The following PHF20 variants were observed in gnomAD, a reference collection of about 807,000 sequenced individuals.
PHF20 encodes the protein PHD finger protein 20.
Under a neutral mutation model 113.5 loss-of-function variants are expected in PHF20, and 23 were observed. The observed-to-expected ratio is 0.20, with a 90% CI of 0.15 to 0.29. The LOEUF (loss-of-function observed/expected upper bound fraction) is 0.29, where lower values mean the gene tolerates loss of function less well. Ranked by LOEUF, PHF20 falls within the 10% of genes least tolerant of loss-of-function variation. PHF20 has a pLI of 1.00. For synonymous variants in PHF20, 434 were observed against 457.3 expected (o/e 0.95, Z 0.65); for missense variants, 943 against 1,219.6 (o/e 0.77, Z 3.38).
In PHF20 at chr20:35,812,472, A is replaced by T. The variant is rs900280787; in HGVS notation, c.83+10867A>T. Among the ~76,000 whole-genome samples the T allele has an allele frequency of 2.0e-5, 3 of 152,212 alleles. No individual in the cohort carries two copies. The South Asian group carries it at 6.2e-4, about 31-fold the overall frequency. On this transcript the variant is annotated intron_variant, in intron 2 of 17. Coordinates refer to ENST00000374012, the MANE Select transcript of PHF20 (RefSeq NM_016436.5). ...CAACATTATTTGTTTAATTTTTAAG[A>T]GTTCCGAACAGTTGTTTTTTAGAAT...
chr20:35,802,534 T>C (rs2041799395), intron 2 of PHF20, among the ~76,000 whole-genome samples: 1 of 152,050 alleles, frequency 6.6e-6, no homozygotes, highest in Non-Finnish European at 1.5e-5. Context: ...TTTAACCCTT[T>C]TTGAGATTCT....
chr20:35,777,866 AATG>A (rs1426403648), intron 1 of PHF20, among the ~76,000 whole-genome samples: 2 of 152,186 alleles, frequency 1.3e-5, no homozygotes, highest in African/African-American at 4.8e-5. Flanking sequence ...TGTTAAGGAT[AATG>A]ATAAGAAATC....
intron 1 of PHF20, among the ~76,000 whole-genome samples, chr20:35,786,708 A>C (rs2041425030): frequency 6.6e-6 from 1 of 152,054 alleles, no homozygotes; most frequent in Non-Finnish European, 1.5e-5. Context: ...CTCAAAACTC[A>C]CTCCAGAGCT....
chr20:35,896,115 A>G (rs1049757881), intron 9 of PHF20, among the ~76,000 whole-genome samples: 57 of 141,900 alleles, frequency 4.0e-4, no homozygotes, highest in African/African-American at 1.4e-3. Context: ...GTGTGTGTGT[A>G]TAGGTTTTTG....
intron 1 of PHF20, chr20:35,799,961 G>A (rs2041747670): frequency 1.3e-5 from 2 of 152,130 alleles, no homozygotes; most frequent in South Asian, 2.1e-4. Context: ...CACCGCACCC[G>A]GCCGGAAGTG....
chr20:35,799,276 T>C (rs1352222041), intron 1 of PHF20, among the ~76,000 whole-genome samples: 1 of 104,996 alleles, frequency 9.5e-6, no homozygotes, highest in Non-Finnish European at 1.7e-5. Context: ...CCTAGGAACA[T>C]AGATACTCTC....
Position 35,917,665 on chromosome 20 carries a change from A to G in PHF20, c.2004+3A>G, listed in dbSNP as rs1163062223. The G allele has an allele frequency of 1.2e-6, 2 of 1,611,698 alleles. No homozygotes were observed. The highest frequency in any genetic ancestry group is 1.3e-5 in the African/African-American group (1 of 74,842). On this transcript the variant is annotated splice_donor_region_variant and intron_variant, in intron 13 of 17. Coordinates refer to ENST00000374012, the MANE Select transcript of PHF20 (RefSeq NM_016436.5). ...AGGAAAATGACTTCATGATTCAGGT[A>G]GGCAGAGCTTCCAGGAAACAGGTCT... is the stretch of plus-strand genomic sequence containing the variant.
chr20:35,794,333 C>T (rs1199774830), intron 1 of PHF20, among the ~76,000 whole-genome samples: 1 of 151,810 alleles, frequency 6.6e-6, no homozygotes, highest in African/African-American at 2.4e-5. Flanking sequence ...AGAAATGACC[C>T]TTATGTATGT....
chr20:35,868,022 G>A (rs951129701), intron 6 of PHF20, among the ~76,000 whole-genome samples: 2 of 152,024 alleles, frequency 1.3e-5, no homozygotes, highest in African/African-American at 2.4e-5. Context: ...GGCTGGGCAT[G>A]GTGGCTCACG....
chr20:35,792,047 T>G (rs2146849236), intron 1 of PHF20, among the ~76,000 whole-genome samples: 1 of 152,324 alleles, frequency 6.6e-6, no homozygotes. Flanking sequence ...CGACTCATTC[T>G]CAGTAGTTTG....
chr20:35,877,262 C>A (rs1156525748), intron 9 of PHF20, among the ~76,000 whole-genome samples: 1 of 130,056 alleles, frequency 7.7e-6, no homozygotes, highest in Non-Finnish European at 1.6e-5. Context: ...TGCTCTCCAG[C>A]CTGAGAGACT....
intron 2 of PHF20, among the ~76,000 whole-genome samples, chr20:35,806,616 G>A (rs2041885631): frequency 6.6e-6 from 1 of 152,018 alleles, no homozygotes; most frequent in African/African-American, 2.4e-5. Context: ...CCACTTGTAT[G>A]TACTAAGCCT....
At chr20:35,896,099 G>GTA (rs1171717862) in intron 9 of PHF20, among the ~76,000 whole-genome samples, 1 of 151,902 alleles carries the variant, frequency 6.6e-6, no homozygotes, top group Admixed American at 6.6e-5. Context: ...GTGTGTGTGT[G>GTA]TGTGTGTGTG....
chr20:35,842,600 C>T lies in PHF20; in HGVS notation c.111C>T (p.Asp37=). Reference sequence around the variant, plus strand: ...ATCCAGCTCACATAGAAGACATTGACTACGAGGAAGGAAAAGTACTCATCC... The same window carrying T: ...ATCCAGCTCACATAGAAGACATTGATTACGAGGAAGGAAAAGTACTCATCC... The part of the protein sequence containing the change: ...NWYPAHIEDI[D]YEEGKVLIHF... The change falls in exon 3 of 18, where the codon GAC becomes GAT. Residue 37 remains aspartate (D), a synonymous_variant. Coordinates refer to ENST00000374012, the MANE Select transcript of PHF20 (RefSeq NM_016436.5). 1 of 1,613,520 alleles carries T rather than the reference C, an allele frequency of 6.2e-7. No individual in the cohort carries two copies.
chr20:35,848,880 T>G (rs73902919), intron 4 of PHF20, among the ~76,000 whole-genome samples: 1,589 of 150,272 alleles, frequency 0.011, 18 homozygotes, highest in East Asian at 0.04. Flanking sequence ...AAAAAAGTCT[T>G]TTCAGTTGTG....
intron 10 of PHF20, among the ~76,000 whole-genome samples, chr20:35,906,695 A>G (rs2055206364): frequency 6.6e-6 from 1 of 152,204 alleles, no homozygotes; most frequent in Non-Finnish European, 1.5e-5. Flanking sequence ...CTTTTAAGGC[A>G]CAACCCAGAA....
chr20:35,784,972 G>A (rs767342398), intron 1 of PHF20, among the ~76,000 whole-genome samples: 20 of 151,818 alleles, frequency 1.3e-4, no homozygotes, highest in Non-Finnish European at 2.6e-4. Context: ...GATGGTTTGA[G>A]CCTGGGAGGC....
intron 2 of PHF20, among the ~76,000 whole-genome samples, chr20:35,836,022 T>A: frequency 6.6e-6 from 1 of 151,042 alleles, no homozygotes. Flanking sequence ...TTATTACCTG[T>A]TTTTTAGATG....
intron 9 of PHF20, among the ~76,000 whole-genome samples, chr20:35,874,988 T>C (rs1433324227): frequency 6.6e-6 from 1 of 152,066 alleles, no homozygotes; most frequent in African/African-American, 2.4e-5. Flanking sequence ...TAGTCCCAGC[T>C]ACTTGGGAGG....
Sources: allele counts gnomAD v4.1 joint callset (sites outside exome capture counted in the v4.1 genomes callset), GRCh38; gene constraint gnomAD v4.1.1; transcripts MANE v1.5; gene names NCBI Gene and HGNC (gene_info 2026-07-23, HGNC 2026-07-21).